HNRNPD: variants seen among roughly 807,000 people sequenced by gnomAD.
The protein encoded by HNRNPD is heterogeneous nuclear ribonucleoprotein D0.
HNRNPD carries 3 observed loss-of-function variants against 47.9 expected under a neutral mutation model. That is an observed-to-expected ratio of 0.06 (90% CI 0.03 to 0.16). HNRNPD has a LOEUF of 0.16. HNRNPD is among the 10% of genes least tolerant of loss of function. The pLI, the probability that HNRNPD is intolerant of heterozygous loss-of-function variation, is 1.00. For synonymous variants in HNRNPD, 171 were observed against 165.1 expected (o/e 1.04, Z -0.28); for missense variants, 287 against 454.2 (o/e 0.63, Z 3.35).
intron 2 of HNRNPD, among the ~76,000 whole-genome samples, chr4:82,369,171 GACACTAA>G (rs1316579480): frequency 6.6e-6 from 1 of 152,188 alleles, no homozygotes; most frequent in East Asian, 1.9e-4. Context: ...TATTTTGCCA[GACACTAA>G]ATAATTTTAA....
chr4:82,356,793 T>C lies in HNRNPD; in HGVS notation c.853+3A>G, dbSNP rs1723728573. On this transcript the variant is annotated splice_donor_region_variant and intron_variant, in intron 6 of 8. Transcript: ENST00000313899. Reference sequence around the variant, plus strand: ...GATAGAGTAAACTTAGGCTCTAGCTTACCACCACCTCTTCCACGAGCTCTT... The same window carrying C: ...GATAGAGTAAACTTAGGCTCTAGCTCACCACCACCTCTTCCACGAGCTCTT... 3.1e-6 allele frequency: 5 copies of C among 1,613,458 alleles called. No individual in the cohort carries two copies. Among genetic ancestry groups the C allele is most frequent in the Non-Finnish European group, 4.2e-6 (5 of 1,179,534 alleles).
At chr4:82,369,993 T>G (rs1338750463) in intron 2 of HNRNPD, among the ~76,000 whole-genome samples, 3 of 152,018 alleles carry the variant, frequency 2.0e-5, no homozygotes, top group Non-Finnish European at 4.4e-5. Flanking sequence ...AAATACAAAA[T>G]TAGCCAGGCA....
Position 82,373,542 on chromosome 4 carries a change from C to A in HNRNPD, c.137G>T (p.Gly46Val). Residue 46 changes from glycine to valine, a missense_variant, in exon 1 of 9, where the codon GGG becomes GTG. Gly to Val is a moderately radical substitution (Grantham distance 109). Transcript: ENST00000313899. Reference sequence around the variant, plus strand: ...TCCAGACGCGGTTCCGCCCCCGGTCCCGGCTCCGCTTCCCGCCGCCGCCGC... The same window carrying A: ...TCCAGACGCGGTTCCGCCCCCGGTCACGGCTCCGCTTCCCGCCGCCGCCGC... Reference protein sequence around the residue: ...GAAAAAGSGAGTGGGTASGGT... With the variant: ...GAAAAAGSGAVTGGGTASGGT... 1 of 1,541,424 alleles carries A rather than the reference C, an allele frequency of 6.5e-7. No individual in the cohort carries two copies. The highest frequency in any genetic ancestry group is 8.7e-7 in the Non-Finnish European group (1 of 1,143,392).
At chr4:82,368,869 G>A (rs1042267583) in intron 2 of HNRNPD, among the ~76,000 whole-genome samples, 1 of 152,150 alleles carries the variant, frequency 6.6e-6, no homozygotes, top group Non-Finnish European at 1.5e-5. Context: ...TAATCAGACA[G>A]GCAACAACCT....
intron 2 of HNRNPD, among the ~76,000 whole-genome samples, chr4:82,364,556 C>T (rs1719658487): frequency 6.6e-6 from 1 of 152,108 alleles, no homozygotes; most frequent in South Asian, 2.1e-4. Context: ...AACTTTCCAA[C>T]ATTAAAAGGA....
At chr4:82,366,032 T>C (rs17005607) in intron 2 of HNRNPD, among the ~76,000 whole-genome samples, 17,185 of 152,000 alleles carry the variant, frequency 0.11, 2,526 homozygotes, top group African/African-American at 0.35. Flanking sequence ...CATTAAAGAA[T>C]AGGTATTCCT....
At chr4:82,356,349 C>T (rs557217300) in intron 7 of HNRNPD, 188 bp downstream of exon 7, 1 of 558,810 alleles carries the variant, frequency 1.8e-6, no homozygotes, top group East Asian at 2.9e-5. Flanking sequence ...ATACACCCTA[C>T]CCTTATAATG....
chr4:82,359,382 G>A (rs1203599952), intron 3 of HNRNPD, 89 bp downstream of exon 3: 3 of 898,686 alleles, frequency 3.3e-6, no homozygotes, highest in Non-Finnish European at 4.7e-6. Flanking sequence ...ATCAAAATGG[G>A]GAACCACAAA....
At chr4:82,364,796 G>GA (rs967173523) in intron 2 of HNRNPD, among the ~76,000 whole-genome samples, 2 of 152,076 alleles carry the variant, frequency 1.3e-5, no homozygotes, top group Non-Finnish European at 2.9e-5. Context: ...AACATAAAAG[G>GA]AAATATACAT....
intron 2 of HNRNPD, among the ~76,000 whole-genome samples, chr4:82,364,264 G>C (rs945768152): frequency 1.3e-5 from 2 of 152,090 alleles, no homozygotes; most frequent in African/African-American, 4.8e-5. Flanking sequence ...ACTCCACCTG[G>C]CCCCCTGCCT....
At chr4:82,365,683 C>T (rs1352432129) in intron 2 of HNRNPD, among the ~76,000 whole-genome samples, 1 of 151,878 alleles carries the variant, frequency 6.6e-6, no homozygotes, top group Non-Finnish European at 1.5e-5. Flanking sequence ...TGGCTCACTT[C>T]AACCTCTGCC....
At position 82,353,159 on chromosome 4, in the gene HNRNPD, T is replaced by C. The variant is rs1723571268; in HGVS notation, c.*1026A>G. On this transcript the variant is annotated 3_prime_UTR_variant, in exon 9 of 9. Transcript: ENST00000313899. The stretch of plus-strand genomic sequence containing the variant: ...GAAAAACAATTCTGACTTAATCCTA[T>C]AGTTATCACTTAGACTCTTCAGTTT... 6.6e-6 allele frequency: 1 copy of C among 152,118 alleles called. No individual in the cohort carries two copies. The highest frequency in any genetic ancestry group is 1.5e-5 in the Non-Finnish European group (1 of 68,032). 9.4% of individuals were successfully genotyped at this position (152,118 alleles called of 1,614,324 possible).
intron 1 of HNRNPD, 150 bp from the exon 2 acceptor site, chr4:82,371,734 A>G: frequency 1.7e-6 from 1 of 595,334 alleles, no homozygotes; most frequent in Non-Finnish European, 3.0e-6. Flanking sequence ...CAGGGCTAAC[A>G]GAAAGCCTGC....
At chr4:82,355,545 AAAT>A in intron 7 of HNRNPD, 144 bp from the exon 8 acceptor site, 1 of 636,480 alleles carries the variant, frequency 1.6e-6, no homozygotes, top group Non-Finnish European at 2.8e-6. Flanking sequence ...ATCATTTATC[AAAT>A]AATTTACCAA....
chr4:82,372,440 C>T (rs541062646), intron 1 of HNRNPD, among the ~76,000 whole-genome samples: 4 of 152,212 alleles, frequency 2.6e-5, no homozygotes, highest in African/African-American at 9.6e-5. Flanking sequence ...GGATTTGTTT[C>T]TCTTAAGAGG....
chr4:82,356,742 G>C, intron 6 of HNRNPD, 54 bp downstream of exon 6: 1 of 1,612,868 alleles, frequency 6.2e-7, no homozygotes, highest in East Asian at 2.2e-5. Context: ...TTTACTTCAG[G>C]ATAATTAAAA....
intron 2 of HNRNPD, among the ~76,000 whole-genome samples, chr4:82,363,365 C>T (rs953852687): frequency 1.3e-5 from 2 of 152,144 alleles, no homozygotes; most frequent in African/African-American, 4.8e-5. Context: ...CCACCATGCC[C>T]GGCTAAATTA....
intron 3 of HNRNPD, 83 bp from the exon 4 acceptor site, chr4:82,358,903 A>G (rs962689659): frequency 2.0e-6 from 2 of 996,754 alleles, no homozygotes; most frequent in Middle Eastern, 3.0e-4. Context: ...AAATAACTAT[A>G]AATACAGATA....
At position 82,356,782 on chromosome 4, in the gene HNRNPD, A is replaced by G; in HGVS notation, c.853+14T>C. 2 of 1,611,592 alleles carry G rather than the reference A, an allele frequency of 1.2e-6. No homozygotes were observed. The highest frequency in any genetic ancestry group is 2.7e-5 in the African/African-American group (2 of 74,992). ...GAAAAGCTTAAGATAGAGTAAACTT[A>G]GGCTCTAGCTTACCACCACCTCTTC... is the stretch of plus-strand genomic sequence containing the variant. On this transcript the variant is annotated intron_variant, in intron 6 of 8. Transcript: ENST00000313899.
Sources: gnomAD v4.1 joint callset for allele counts (sites outside exome capture counted in the v4.1 genomes callset) on GRCh38, gnomAD v4.1.1 for gene constraint, MANE v1.5 for transcripts, NCBI Gene and HGNC (gene_info 2026-07-23, HGNC 2026-07-21) for gene names.